SUCLG2: variants seen among roughly 807,000 people sequenced by gnomAD.
SUCLG2 encodes the protein succinate-CoA ligase GDP-forming subunit beta.
A neutral mutation model predicts 47.9 loss-of-function variants in SUCLG2; 42 were observed. The ratio of observed to expected loss-of-function variants is 0.88; its 90% CI spans 0.69 to 1.14. The LOEUF (loss-of-function observed/expected upper bound fraction) is 1.14. Ranked by LOEUF, SUCLG2 falls within the 50% of genes most tolerant of loss-of-function variation. SUCLG2 has a pLI of 0.00. For synonymous variants in SUCLG2, 195 were observed against 197.3 expected (o/e 0.99, Z 0.10); for missense variants, 571 against 525.9 (o/e 1.09, Z -0.84).
At chr3:67,631,904 T>C (rs1413475283) in intron 1 of SUCLG2, among the ~76,000 whole-genome samples, 1 of 152,236 alleles carries the variant, frequency 6.6e-6, no homozygotes, top group Non-Finnish European at 1.5e-5. Flanking sequence ...AAGGACACAA[T>C]GACCCTCGAT....
At chr3:67,459,528 T>C (rs1261850120) in intron 9 of SUCLG2, among the ~76,000 whole-genome samples, 1 of 152,212 alleles carries the variant, frequency 6.6e-6, no homozygotes, top group Non-Finnish European at 1.5e-5. Flanking sequence ...GGGTCAAGTT[T>C]AAATTTGGGT....
chr3:67,487,631 T>G (rs1705092313), intron 9 of SUCLG2, among the ~76,000 whole-genome samples: 1 of 151,820 alleles, frequency 6.6e-6, no homozygotes, highest in Non-Finnish European at 1.5e-5. Context: ...AAATGCTGAA[T>G]AGAAGAAAAA....
intron 9 of SUCLG2, among the ~76,000 whole-genome samples, chr3:67,418,895 G>A (rs1252844341): frequency 1.3e-5 from 2 of 151,976 alleles, no homozygotes; most frequent in Non-Finnish European, 2.9e-5. Context: ...TTATCTAGTC[G>A]GGAATAAAGA....
chr3:67,613,786 C>T (rs537477144), intron 1 of SUCLG2, among the ~76,000 whole-genome samples: 6 of 152,294 alleles, frequency 3.9e-5, no homozygotes, highest in Non-Finnish European at 8.8e-5. Context: ...TACTCTGAAA[C>T]AGTAAAACTT....
At chr3:67,598,233 C>T (rs1035489489) in intron 2 of SUCLG2, among the ~76,000 whole-genome samples, 11 of 152,076 alleles carry the variant, frequency 7.2e-5, no homozygotes, top group Non-Finnish European at 1.0e-4. Flanking sequence ...ACGCCCACCT[C>T]GGCCTCCCAA....
chr3:67,390,371 A>G (rs1456983417), intron 10 of SUCLG2, among the ~76,000 whole-genome samples: 2 of 152,220 alleles, frequency 1.3e-5, no homozygotes, highest in South Asian at 2.1e-4. Context: ...GGCTTGATGT[A>G]GTGGGATTTT....
intron 1 of SUCLG2, among the ~76,000 whole-genome samples, chr3:67,618,451 A>C (rs1379735210): frequency 1.3e-5 from 2 of 152,174 alleles, no homozygotes; most frequent in Non-Finnish European, 2.9e-5. Context: ...CTATAAGTAA[A>C]TTTACTTTTC....
chr3:67,398,398 A>C lies in SUCLG2; in HGVS notation c.1183+2333T>G, dbSNP rs564424024. ...CACTTCTCAAAAGAAGACATTTATGAAGCCAAAAGACACATGAAAAAATGC... is the reference window on the plus strand; with the variant it reads ...CACTTCTCAAAAGAAGACATTTATGCAGCCAAAAGACACATGAAAAAATGC... On this transcript the variant is annotated intron_variant, in intron 10 of 10. Transcript: ENST00000307227. Among the ~76,000 whole-genome samples the C allele has an allele frequency of 1.3e-4, 20 of 151,658 alleles. 1 individual carries two copies. Among genetic ancestry groups the C allele is most frequent in the South Asian group, 1.0e-3 (5 of 4,794 alleles).
At chr3:67,592,611 A>C (rs920800613) in intron 2 of SUCLG2, among the ~76,000 whole-genome samples, 3 of 151,836 alleles carry the variant, frequency 2.0e-5, no homozygotes, top group African/African-American at 7.3e-5. Flanking sequence ...AGCATCCCCA[A>C]ATAGTCTGGG....
At chr3:67,563,179 T>G (rs1263866535) in intron 2 of SUCLG2, among the ~76,000 whole-genome samples, 1 of 151,838 alleles carries the variant, frequency 6.6e-6, no homozygotes, top group Non-Finnish European at 1.5e-5. Context: ...TACCACAGAA[T>G]CTGACTGGAA....
chr3:67,544,935 T>C (rs1268320510), intron 2 of SUCLG2, among the ~76,000 whole-genome samples: 1 of 152,282 alleles, frequency 6.6e-6, no homozygotes, highest in African/African-American at 2.4e-5. Flanking sequence ...AGAAAATACA[T>C]TGATCATCTT....
intron 9 of SUCLG2, among the ~76,000 whole-genome samples, chr3:67,466,442 G>A (rs945666675): frequency 6.6e-6 from 1 of 152,214 alleles, no homozygotes; most frequent in East Asian, 1.9e-4. Context: ...TAAACTGAAG[G>A]AATTTGTAGA....
intron 9 of SUCLG2, among the ~76,000 whole-genome samples, chr3:67,440,581 C>A (rs1703735471): frequency 6.6e-6 from 1 of 152,148 alleles, no homozygotes; most frequent in African/African-American, 2.4e-5. Flanking sequence ...TATGAACAGA[C>A]ACTTCTCAAA....
intron 7 of SUCLG2, among the ~76,000 whole-genome samples, chr3:67,503,426 G>A (rs1473380433): frequency 6.6e-6 from 1 of 152,204 alleles, no homozygotes; most frequent in Non-Finnish European, 1.5e-5. Flanking sequence ...ATTTCCTCCT[G>A]TAAGACGCTT....
intron 2 of SUCLG2, among the ~76,000 whole-genome samples, chr3:67,548,956 TCA>T (rs1257082801): frequency 2.0e-5 from 3 of 152,154 alleles, no homozygotes; most frequent in African/African-American, 7.2e-5. Flanking sequence ...CCTAAATCAG[TCA>T]CAGTCAATTA....
intron 9 of SUCLG2, among the ~76,000 whole-genome samples, chr3:67,406,527 C>T (rs1189113811): frequency 6.6e-6 from 1 of 152,022 alleles, no homozygotes; most frequent in Admixed American, 6.6e-5. Flanking sequence ...GGGAAGAGGG[C>T]AGGTAGATCA....
At chr3:67,469,732 CTAA>C (rs1230089305) in intron 9 of SUCLG2, among the ~76,000 whole-genome samples, 3 of 150,078 alleles carry the variant, frequency 2.0e-5, no homozygotes, top group East Asian at 4.0e-4. Flanking sequence ...CCGTCTCAAA[CTAA>C]TAATAATAAT....
intron 2 of SUCLG2, among the ~76,000 whole-genome samples, chr3:67,538,981 A>T (rs1706624574): frequency 1.3e-5 from 2 of 152,196 alleles, no homozygotes; most frequent in Admixed American, 6.5e-5. Flanking sequence ...GGTTTTCTAA[A>T]TATACAATCA....
intron 2 of SUCLG2, among the ~76,000 whole-genome samples, chr3:67,534,767 GCAAAAAAA>G (rs1706493001): frequency 2.9e-5 from 1 of 34,328 alleles, no homozygotes; most frequent in Non-Finnish European, 4.8e-5. Context: ...AACACTGATG[GCAAAAAAA>G]AAAAAAAAAA....
Sources: gnomAD v4.1 joint callset for allele counts (sites outside exome capture counted in the v4.1 genomes callset) on GRCh38, gnomAD v4.1.1 for gene constraint, MANE v1.5 for transcripts, NCBI Gene and HGNC (gene_info 2026-07-23, HGNC 2026-07-21) for gene names.